CCHCR1: variants seen among roughly 807,000 people sequenced by gnomAD.
CCHCR1 encodes coiled-coil alpha-helical rod protein 1, also known as HCR (a-helix coiled-coil rod homologue).
Under a neutral mutation model 114.6 loss-of-function variants are expected in CCHCR1, and 91 were observed. The observed-to-expected ratio is 0.79, with a 90% CI of 0.67 to 0.94. The LOEUF is 0.94. CCHCR1 is among the 40% of genes least tolerant of loss of function. The pLI is 0.00. For synonymous variants in CCHCR1, 379 were observed against 428.5 expected, an observed-to-expected ratio of 0.88 and a Z score of 1.43; for missense variants, 899 against 1,079.9, an observed-to-expected ratio of 0.83 and a Z score of 2.35.
rs1277012144 is a variant in CCHCR1, at chr6:31,144,241, T to C, written c.2167+446A>G. ...CATGGTCTTTCTCTATCACCCAGGC[T>C]TGAGTGCAGTGGCACAATCTTGGCT... On this transcript the variant is annotated intron_variant, in intron 15 of 17. Coordinates refer to ENST00000396268, the MANE Select transcript of CCHCR1 (RefSeq NM_001105564.2). This position sits in a 1 kb window ranked among gnomAD's most constrained non-coding sequence, Gnocchi z 4.6. Among the ~76,000 whole-genome samples, 1 of 152,208 alleles carries C rather than the reference T, an allele frequency of 6.6e-6. No homozygotes were observed. The highest frequency in any genetic ancestry group is 1.5e-5 in the Non-Finnish European group (1 of 68,038).
At position 31,148,853 on chromosome 6, in the gene CCHCR1, G is replaced by A. The variant is rs1774754446; in HGVS notation, c.1363-125C>T. 5.3e-5 allele frequency: 13 copies of A among 245,736 alleles called. 5 individuals carry two copies. The highest frequency in any genetic ancestry group is 4.7e-4 in the South Asian group (13 of 27,874). 15.2% of individuals were successfully genotyped at this position (245,736 alleles called of 1,614,324 possible). On this transcript the variant is annotated intron_variant, in intron 8 of 17. Transcript: ENST00000396268. Reference sequence around the variant, plus strand: ...CATGCAGGGGCTGGGGGGAGGGGGGGCGGGCGACGGGGGTGGGTTGCAGCA... The same window carrying A: ...CATGCAGGGGCTGGGGGGAGGGGGGACGGGCGACGGGGGTGGGTTGCAGCA...
At chr6:31,153,455 T>C (rs111837807) in intron 4 of CCHCR1, among the ~76,000 whole-genome samples, 12,886 of 152,252 alleles carry the variant, frequency 0.085, 663 homozygotes, top group Middle Eastern at 0.16. Flanking sequence ...AATGTTCATG[T>C]TATAAAGTCA....
At position 31,144,790 on chromosome 6, in the gene CCHCR1, TG is replaced by T. The variant is rs768163698; in HGVS notation, c.2066-3del. The T allele has an allele frequency of 6.8e-6, 11 of 1,613,694 alleles. No homozygotes were observed. Among genetic ancestry groups the T allele is most frequent in the Non-Finnish European group, 5.9e-6 (7 of 1,179,808 alleles). ...CTTCAGCCACCTTTTCTTGCAGGGC[TG>T]GGGTGAAAGTGCAGACGGGGCATAT... On this transcript the variant is annotated splice_polypyrimidine_tract_variant and splice_region_variant and intron_variant, in intron 14 of 17. Coordinates refer to ENST00000396268, the MANE Select transcript of CCHCR1 (RefSeq NM_001105564.2). This position sits in a 1 kb window ranked among gnomAD's most constrained non-coding sequence, Gnocchi z 4.6.
chr6:31,144,355 T>G lies in CCHCR1; in HGVS notation c.2167+332A>C, dbSNP rs574605540. ...GGGTACAGGTGCCCACCACCAGGCC[T>G]AGCTAATTTTTGTATTTTTAGTCGA... On this transcript the variant is annotated intron_variant, in intron 15 of 17. Transcript: ENST00000396268. This position sits in a 1 kb window ranked among gnomAD's most constrained non-coding sequence, Gnocchi z 4.6. Among the ~76,000 whole-genome samples, 1 of 152,132 alleles carries G rather than the reference T, an allele frequency of 6.6e-6. No homozygotes were observed. Among genetic ancestry groups the G allele is most frequent in the Non-Finnish European group, 1.5e-5 (1 of 67,998 alleles).
At position 31,145,040 on chromosome 6, in the gene CCHCR1, G is replaced by A. The variant is rs757062392; in HGVS notation, c.1910C>T (p.Ala637Val). ...EAERQQLSKV[A>V]QQLEQELQQT... ...CTGCAGCTCCTGCTCCAGCTGCTGG[G>A]CCACCTTGCTCAGCTGCTGCCGCTC... is the stretch of plus-strand genomic sequence containing the variant. The change falls in exon 14 of 18, where the codon GCC becomes GTC. Residue 637 changes from alanine to valine, a missense_variant. Ala to Val is a moderately conservative substitution (Grantham distance 64). Transcript: ENST00000396268. 2 of 1,603,424 alleles carry A rather than the reference G, an allele frequency of 1.2e-6. No homozygotes were observed. The highest frequency in any genetic ancestry group is 8.5e-7 in the Non-Finnish European group (1 of 1,178,848).
intron 10 of CCHCR1, among the ~76,000 whole-genome samples, chr6:31,146,820 T>A (rs28360048): frequency 0.047 from 7,148 of 152,220 alleles, 227 homozygotes; most frequent in African/African-American, 0.09. Flanking sequence ...TCAAACCCTG[T>A]CCACAGTGCA....
chr6:31,157,171 C>A, intron 1 of CCHCR1, 82 bp from the exon 2 acceptor site: 1 of 1,238,482 alleles, frequency 8.1e-7, no homozygotes, highest in South Asian at 1.2e-5. Flanking sequence ...ATAACAAAGT[C>A]ATAATCCTTG....
At chr6:31,142,938 T>C (rs1403266591) in intron 17 of CCHCR1, 25 bp downstream of exon 17, 10 of 1,607,290 alleles carry the variant, frequency 6.2e-6, no homozygotes, top group Non-Finnish European at 8.5e-6. Flanking sequence ...ATTTGTCCCT[T>C]GTCCCTTTGT....
At chr6:31,148,354 G>C (rs767096669) in intron 10 of CCHCR1, 51 bp downstream of exon 10, 2 of 1,182,478 alleles carry the variant, frequency 1.7e-6, no homozygotes, top group South Asian at 1.4e-5. Flanking sequence ...AGGTGCCCAG[G>C]AACCTGAGGT....
rs754470763 is a variant in CCHCR1, at chr6:31,145,233, G to T, written c.1809C>A (p.Arg603=). ...CACTCAGCTGCAGTTCTGCATCCAG[G>T]CGGTTCCGTTCTTCCCGCAACTGCT... ...ELQQLREERN[R]LDAELQLSAR... is the part of the protein sequence containing the mutation. Residue 603 remains arginine, a synonymous_variant, in exon 13 of 18, where the codon CGC becomes CGA. Coordinates refer to ENST00000396268, the MANE Select transcript of CCHCR1 (RefSeq NM_001105564.2). 4 of 1,613,468 alleles carry T rather than the reference G, an allele frequency of 2.5e-6. No individual in the cohort carries two copies. In the South Asian group the frequency reaches 3.3e-5, roughly 13 times the overall value.
intron 8 of CCHCR1, chr6:31,149,403 AGTCTCTCC>A (rs1774876243): frequency 6.6e-6 from 1 of 152,214 alleles, no homozygotes; most frequent in Admixed American, 6.6e-5. Context: ...CTCACCCCAC[AGTCTCTCC>A]GTCACATTAT....
intron 8 of CCHCR1, 128 bp from the exon 9 acceptor site, chr6:31,148,856 G>GGGGGGGGGGGGGGGGGGGCCC: frequency 5.8e-6 from 1 of 173,280 alleles, no homozygotes; most frequent in Non-Finnish European, 1.2e-5. Context: ...AGGGGGGGCG[G>GGGGGGGGGGGGGGGGGGGCCC]GCGACGGGGG....
At position 31,151,360 on chromosome 6, in the gene CCHCR1, A is replaced by G. The variant is rs1775205248; in HGVS notation, c.802-238T>C. 6.6e-6 allele frequency among the ~76,000 whole-genome samples: 1 copy of G among 152,124 alleles called. No homozygotes were observed. The highest frequency in any genetic ancestry group is 2.4e-5 in the African/African-American group (1 of 41,434). On this transcript the variant is annotated intron_variant, in intron 4 of 17. Transcript: ENST00000396268. This position sits in a 1 kb window ranked among gnomAD's most constrained non-coding sequence, Gnocchi z 4.1. ...CTCTGTCTCCGTCTCCACTGCCACC[A>G]ACCCTCATCTTTTGCCTGGGCAACA...
At chr6:31,146,220 C>G (rs1774308760) in intron 10 of CCHCR1, among the ~76,000 whole-genome samples, 1 of 152,144 alleles carries the variant, frequency 6.6e-6, no homozygotes, top group Non-Finnish European at 1.5e-5. Context: ...TGGCTCATGC[C>G]TGTAATCCCA....
chr6:31,156,071 T>A (rs1775960978), intron 3 of CCHCR1, among the ~76,000 whole-genome samples: 1 of 152,256 alleles, frequency 6.6e-6, no homozygotes, highest in Non-Finnish European at 1.5e-5. Flanking sequence ...CCGCCATATC[T>A]GGCTCGCTCT....
chr6:31,142,847 A>C, intron 17 of CCHCR1, 116 bp downstream of exon 17: 1 of 1,495,260 alleles, frequency 6.7e-7, no homozygotes, highest in Non-Finnish European at 9.1e-7. Context: ...CATCGCTAAA[A>C]GAGGCTAAGG....
At position 31,144,448 on chromosome 6, in the gene CCHCR1, G is replaced by C; in HGVS notation, c.2167+239C>G. 2 of 445,804 alleles carry C rather than the reference G, an allele frequency of 4.5e-6. No individual in the cohort carries two copies. The highest frequency in any genetic ancestry group is 7.9e-6 in the Non-Finnish European group (2 of 253,526). 27.6% of individuals were successfully genotyped at this position (445,804 alleles called of 1,614,324 possible). On this transcript the variant is annotated intron_variant, in intron 15 of 17. Coordinates refer to ENST00000396268, the MANE Select transcript of CCHCR1 (RefSeq NM_001105564.2). This position sits in a 1 kb window ranked among gnomAD's most constrained non-coding sequence, Gnocchi z 4.6. ...GACCTCAGGTGATACACCCACCTCGGCCTCCCAAAGTGCTTGGATTACAGG... is the reference window on the plus strand; with the variant it reads ...GACCTCAGGTGATACACCCACCTCGCCCTCCCAAAGTGCTTGGATTACAGG...
At position 31,157,658 on chromosome 6, in the gene CCHCR1, G is replaced by GTTT. The variant is rs1776276520; in HGVS notation, c.-59_-58insAAA. The GTTT allele has an allele frequency of 7.2e-7, 1 of 1,390,228 alleles. No homozygotes were observed. The highest frequency in any genetic ancestry group is 1.4e-5 in the African/African-American group (1 of 70,154). The allele number at this position is 1,390,228 out of a possible 1,614,324, so 86.1% of individuals were successfully genotyped here. A position where few individuals can be genotyped will look rare whatever the true frequency, so the allele number is the denominator to read the frequency against. On this transcript the variant is annotated 5_prime_UTR_variant, in exon 1 of 18. Transcript: ENST00000396268. ...TCCAGGCCGCCTAGATCCCCAGGCA[G>GTTT]AAAAGCCAGCGTCCTGACATCTTAT...
At position 31,156,950 on chromosome 6, in the gene CCHCR1, G is replaced by C; in HGVS notation, c.284-6C>G. 6.2e-7 allele frequency: 1 copy of C among 1,612,744 alleles called. No individual in the cohort carries two copies. The highest frequency in any genetic ancestry group is 8.5e-7 in the Non-Finnish European group (1 of 1,179,882). ...GGGAATCAGCCCAGTGGAACCTGAAGAATTACAAAAACAAAGATGGTCAGT... is the reference window on the plus strand; with the variant it reads ...GGGAATCAGCCCAGTGGAACCTGAACAATTACAAAAACAAAGATGGTCAGT... On this transcript the variant is annotated splice_region_variant and splice_polypyrimidine_tract_variant and intron_variant, in intron 2 of 17. Transcript: ENST00000396268.
Sources: gnomAD v4.1 joint callset for allele counts (sites outside exome capture counted in the v4.1 genomes callset) on GRCh38, gnomAD v4.1.1 for gene constraint, Gnocchi (gnomAD v3.1) non-coding constraint, MANE v1.5 for transcripts, NCBI Gene and HGNC (gene_info 2026-07-23, HGNC 2026-07-21) for gene names.